STEAP1B: variants seen among roughly 807,000 people sequenced by gnomAD.
STEAP1B encodes STEAP family member 1B.
STEAP1B carries 13 observed loss-of-function variants against 27.9 expected under a neutral mutation model. The ratio of observed to expected loss-of-function variants is 0.47; its 90% confidence interval spans 0.30 to 0.74. The LOEUF (loss-of-function observed/expected upper bound fraction) is 0.74, where lower values mean the gene tolerates loss of function less well. Among genes scored for constraint, STEAP1B ranks in the 30% least tolerant of loss-of-function variants. The probability of loss-of-function intolerance (pLI) is 0.06; values close to 1 mark genes in which losing one functional copy is unlikely to be tolerated. For synonymous variants in STEAP1B, 86 were observed against 107.1 expected (o/e 0.80, Z 1.22); for missense variants, 250 against 298.7 (o/e 0.84, Z 1.20).
intron 4 of STEAP1B, among the ~76,000 whole-genome samples, chr7:22,484,518 C>T (rs935499943): frequency 1.3e-5 from 2 of 152,218 alleles, no homozygotes; most frequent in Admixed American, 1.3e-4. Flanking sequence ...ATTGACAATG[C>T]ACCTGGTCAC....
chr7:22,437,723 A>G (rs1785272245), intron 4 of STEAP1B, among the ~76,000 whole-genome samples: 1 of 152,220 alleles, frequency 6.6e-6, no homozygotes, highest in Non-Finnish European at 1.5e-5. Flanking sequence ...TTCCATCAAC[A>G]GTGTAAAAGG....
chr7:22,470,204 T>C (rs529325560), intron 4 of STEAP1B, among the ~76,000 whole-genome samples: 3 of 152,134 alleles, frequency 2.0e-5, no homozygotes, highest in Non-Finnish European at 2.9e-5. Flanking sequence ...GAGTATCTTG[T>C]GGTGCAGGAA....
At chr7:22,441,738 A>G (rs1323206540) in intron 4 of STEAP1B, among the ~76,000 whole-genome samples, 1 of 152,196 alleles carries the variant, frequency 6.6e-6, no homozygotes, top group Admixed American at 6.5e-5. Context: ...TGCTTCTACA[A>G]TGTATAACCA....
intron 4 of STEAP1B, among the ~76,000 whole-genome samples, chr7:22,490,185 T>TAA (rs200957876): frequency 1.3e-5 from 2 of 152,030 alleles, no homozygotes; most frequent in African/African-American, 4.8e-5. Context: ...AACTTTTTTT[T>TAA]AAAAAACTGA....
chr7:22,453,218 C>T (rs1378496655), intron 4 of STEAP1B, among the ~76,000 whole-genome samples: 1 of 152,216 alleles, frequency 6.6e-6, no homozygotes, highest in African/African-American at 2.4e-5. Flanking sequence ...ATAAAACACT[C>T]CATTACCCAT....
intron 4 of STEAP1B, among the ~76,000 whole-genome samples, chr7:22,434,618 T>C (rs1449072813): frequency 2.0e-5 from 3 of 152,252 alleles, no homozygotes; most frequent in South Asian, 2.1e-4. Flanking sequence ...TAAGCACTTA[T>C]GTATTTATTC....
At chr7:22,431,982 C>A (rs964876857) in intron 4 of STEAP1B, among the ~76,000 whole-genome samples, 6 of 152,168 alleles carry the variant, frequency 3.9e-5, no homozygotes, top group Admixed American at 3.9e-4. Context: ...GTTTGCGTCT[C>A]TCCAAAATTC....
At chr7:22,464,098 T>C (rs895162781) in intron 4 of STEAP1B, among the ~76,000 whole-genome samples, 5 of 152,238 alleles carry the variant, frequency 3.3e-5, no homozygotes, top group South Asian at 2.1e-4. Context: ...ATGATTGAAC[T>C]CTTTTCTCTT....
chr7:22,420,492 G>A (rs1303045442), intron 4 of STEAP1B, among the ~76,000 whole-genome samples: 1 of 152,216 alleles, frequency 6.6e-6, no homozygotes, highest in Non-Finnish European at 1.5e-5. Context: ...TCACAGGGGT[G>A]GCTTGAAGTC....
intron 4 of STEAP1B, among the ~76,000 whole-genome samples, chr7:22,492,081 G>C (rs1274639494): frequency 6.6e-6 from 1 of 151,896 alleles, no homozygotes; most frequent in East Asian, 1.9e-4. Context: ...CAGCACTTTG[G>C]GAGGCCGAGG....
intron 4 of STEAP1B, among the ~76,000 whole-genome samples, chr7:22,479,019 G>A (rs529827132): frequency 3.5e-4 from 53 of 152,288 alleles, no homozygotes; most frequent in Admixed American, 1.8e-3. Flanking sequence ...GAGGAGAAGG[G>A]CCGAGTGGGG....
chr7:22,454,444 G>C (rs1367734514), intron 4 of STEAP1B, among the ~76,000 whole-genome samples: 1 of 152,128 alleles, frequency 6.6e-6, no homozygotes, highest in Admixed American at 6.5e-5. Context: ...TAGGGTGCCA[G>C]AGACAGCTCT....
At chr7:22,496,227 G>C (rs1786437486) in intron 1 of STEAP1B, among the ~76,000 whole-genome samples, 1 of 152,062 alleles carries the variant, frequency 6.6e-6, no homozygotes, top group Non-Finnish European at 1.5e-5. Flanking sequence ...TAAGGAGTAA[G>C]TATATAAACA....
intron 4 of STEAP1B, among the ~76,000 whole-genome samples, chr7:22,458,916 C>T (rs1785633309): frequency 6.6e-6 from 1 of 151,888 alleles, no homozygotes; most frequent in African/African-American, 2.4e-5. Flanking sequence ...TTACAACCAC[C>T]AATGCCTCTC....
At chr7:22,469,361 G>T (rs150919203) in intron 4 of STEAP1B, among the ~76,000 whole-genome samples, 1 of 152,120 alleles carries the variant, frequency 6.6e-6, no homozygotes, top group Admixed American at 6.5e-5. Context: ...GTAAGTTACA[G>T]GAAGCTAAGG....
chr7:22,454,863 ATATTTT>A (rs1785551880), intron 4 of STEAP1B, among the ~76,000 whole-genome samples: 1 of 75,118 alleles, frequency 1.3e-5, no homozygotes, highest in African/African-American at 4.7e-5. Flanking sequence ...ATATATATAT[ATATTTT>A]TTTTTTTTTT....
At chr7:22,492,344 A>AG in intron 4 of STEAP1B, 3 of 293,648 alleles carry the variant, frequency 1.0e-5, no homozygotes, top group East Asian at 1.0e-4. Flanking sequence ...AAAAAAAAAA[A>AG]AAAGGATATT....
chr7:22,465,828 C>T (rs1429601660), intron 4 of STEAP1B, among the ~76,000 whole-genome samples: 2 of 152,248 alleles, frequency 1.3e-5, no homozygotes, highest in African/African-American at 4.8e-5. Flanking sequence ...ATGAGATAAC[C>T]GCATGGCCTG....
At chr7:22,448,570 T>G (rs554745872) in intron 4 of STEAP1B, among the ~76,000 whole-genome samples, 1 of 152,202 alleles carries the variant, frequency 6.6e-6, no homozygotes. Flanking sequence ...GTTAAAATTT[T>G]TCTTCTGGAT....
Sources: allele counts gnomAD v4.1 joint callset (sites outside exome capture counted in the v4.1 genomes callset), GRCh38; gene constraint gnomAD v4.1.1; transcripts MANE v1.5; gene names NCBI Gene and HGNC (gene_info 2026-07-23, HGNC 2026-07-21).